Variants in SSBP2 observed in about 807,000 individuals in gnomAD.
The protein encoded by SSBP2 is single-stranded DNA-binding protein 2.
Under a neutral mutation model 61.8 loss-of-function variants are expected in SSBP2, and 17 were observed. The ratio of observed to expected loss-of-function variants is 0.28; its 90% CI spans 0.19 to 0.41. The LOEUF is 0.41. Ranked by LOEUF, SSBP2 falls within the 10% of genes least tolerant of loss-of-function variation. SSBP2 has a pLI of 1.00. For missense variants in SSBP2, 310 were observed against 458.7 expected, an observed-to-expected ratio of 0.68 and a Z score of 2.96; for synonymous variants, 139 against 141.3, an observed-to-expected ratio of 0.98 and a Z score of 0.12.
chr5:81,548,259 C>T (rs1771896216), intron 4 of SSBP2, among the ~76,000 whole-genome samples: 1 of 152,052 alleles, frequency 6.6e-6, no homozygotes, highest in Non-Finnish European at 1.5e-5. Context: ...CTAATGTAAA[C>T]TGTGGACTTT....
intron 4 of SSBP2, among the ~76,000 whole-genome samples, chr5:81,606,468 C>A (rs1030960929): frequency 4.6e-5 from 7 of 152,100 alleles, no homozygotes; most frequent in African/African-American, 1.7e-4. Context: ...TTGGTCTGAA[C>A]TCAAAGATGT....
At chr5:81,439,667 GTT>G (rs61650905) in intron 14 of SSBP2, among the ~76,000 whole-genome samples, 1,308 of 100,124 alleles carry the variant, frequency 0.013, 14 homozygotes, top group African/African-American at 0.06. Context: ...TGCCCAGCTA[GTT>G]TTTTTTTTTT....
chr5:81,744,116 A>G (rs1292148433), intron 1 of SSBP2, among the ~76,000 whole-genome samples: 2 of 152,234 alleles, frequency 1.3e-5, no homozygotes, highest in Non-Finnish European at 2.9e-5. Flanking sequence ...GATAATGCAG[A>G]CAAGTGCCAA....
At chr5:81,536,293 T>C (rs1308994045) in intron 4 of SSBP2, among the ~76,000 whole-genome samples, 1 of 152,154 alleles carries the variant, frequency 6.6e-6, no homozygotes, top group African/African-American at 2.4e-5. Flanking sequence ...TACAACCACT[T>C]TGGAAGAAAA....
At chr5:81,742,825 A>G (rs957612342) in intron 1 of SSBP2, among the ~76,000 whole-genome samples, 3 of 152,188 alleles carry the variant, frequency 2.0e-5, no homozygotes, top group Admixed American at 1.3e-4. Context: ...AGTTGCAGAG[A>G]GCCGAGATTG....
chr5:81,534,152 G>A (rs537076387), intron 4 of SSBP2, among the ~76,000 whole-genome samples: 2 of 152,194 alleles, frequency 1.3e-5, no homozygotes, highest in South Asian at 2.1e-4. Context: ...AGAAGCACTT[G>A]CAAATTTCAC....
At chr5:81,592,385 G>T (rs930562255) in intron 4 of SSBP2, among the ~76,000 whole-genome samples, 1 of 152,232 alleles carries the variant, frequency 6.6e-6, no homozygotes, top group Non-Finnish European at 1.5e-5. Flanking sequence ...AAGGAGGCCT[G>T]CCTGCCTCTG....
chr5:81,471,753 T>C (rs1765258151), intron 8 of SSBP2, among the ~76,000 whole-genome samples: 1 of 152,004 alleles, frequency 6.6e-6, no homozygotes, highest in East Asian at 1.9e-4. Context: ...CTGGTTTCTT[T>C]TGGCTTTGAG....
At chr5:81,566,902 T>C (rs1158221071) in intron 4 of SSBP2, among the ~76,000 whole-genome samples, 1 of 152,176 alleles carries the variant, frequency 6.6e-6, no homozygotes, top group African/African-American at 2.4e-5. Flanking sequence ...CTAGAGATTT[T>C]TGGAACTTTG....
chr5:81,455,131 AG>A (rs1764043300), intron 10 of SSBP2, among the ~76,000 whole-genome samples: 2 of 151,960 alleles, frequency 1.3e-5, no homozygotes, highest in Admixed American at 1.3e-4. Flanking sequence ...GAAGAATCAA[AG>A]GTGTCCTACA....
chr5:81,563,686 G>C (rs1402706767), intron 4 of SSBP2, among the ~76,000 whole-genome samples: 1 of 151,948 alleles, frequency 6.6e-6, no homozygotes. Context: ...ATAGTGCTGA[G>C]GAAACAGAAA....
chr5:81,607,561 A>G (rs1224623055), intron 4 of SSBP2, among the ~76,000 whole-genome samples: 1 of 152,190 alleles, frequency 6.6e-6, no homozygotes, highest in East Asian at 1.9e-4. Flanking sequence ...ACATAGCTAC[A>G]TTGAAGAAAG....
chr5:81,725,238 TAAG>T (rs1207064094), intron 1 of SSBP2, among the ~76,000 whole-genome samples: 1 of 151,982 alleles, frequency 6.6e-6, no homozygotes, highest in Non-Finnish European at 1.5e-5. Context: ...TGGGAGGTCT[TAAG>T]GAGAACAGAA....
intron 4 of SSBP2, among the ~76,000 whole-genome samples, chr5:81,546,396 G>A (rs528123128): frequency 6.6e-6 from 1 of 151,978 alleles, no homozygotes; most frequent in African/African-American, 2.4e-5. Flanking sequence ...ACTGATATAG[G>A]AGTCAATTTT....
chr5:81,564,206 C>T (rs1347726436), intron 4 of SSBP2, among the ~76,000 whole-genome samples: 1 of 152,140 alleles, frequency 6.6e-6, no homozygotes, highest in Non-Finnish European at 1.5e-5. Context: ...TATCACCTCA[C>T]ACTTGTTAGG....
chr5:81,538,374 T>C (rs1770982785), intron 4 of SSBP2, among the ~76,000 whole-genome samples: 1 of 152,116 alleles, frequency 6.6e-6, no homozygotes, highest in Non-Finnish European at 1.5e-5. Flanking sequence ...AACTGGTTCA[T>C]GAAGTTTAAG....
At chr5:81,528,080 C>T (rs765434131) in intron 4 of SSBP2, among the ~76,000 whole-genome samples, 6 of 151,740 alleles carry the variant, frequency 4.0e-5, no homozygotes, top group South Asian at 2.1e-4. Context: ...TGGTACCTAC[C>T]GTATTATATT....
chr5:81,415,810 G>A lies in SSBP2; in HGVS notation c.*4694C>T, dbSNP rs1425322682. 1 of 151,514 alleles carries A rather than the reference G, an allele frequency of 6.6e-6. No individual in the cohort carries two copies. The highest frequency in any genetic ancestry group is 1.5e-5 in the Non-Finnish European group (1 of 68,226). The allele number at this position is 151,514 out of a possible 1,614,324, so 9.4% of individuals were successfully genotyped here. A position where few individuals can be genotyped will look rare whatever the true frequency, so the allele number is the denominator to read the frequency against. On this transcript the variant is annotated 3_prime_UTR_variant, in exon 17 of 17. Transcript: ENST00000320672. Reference sequence around the variant, plus strand: ...ACCTGTAGTCCCAGCCACTCGGGAGGCTGAGGCAGGAGAATTGCATGAACC... The same window carrying A: ...ACCTGTAGTCCCAGCCACTCGGGAGACTGAGGCAGGAGAATTGCATGAACC...
chr5:81,490,901 A>C (rs1377893166), intron 5 of SSBP2, among the ~76,000 whole-genome samples: 1 of 152,228 alleles, frequency 6.6e-6, no homozygotes, highest in Non-Finnish European at 1.5e-5. Flanking sequence ...AAACTTAAGT[A>C]GATTTTCCAA....
Sources: allele counts gnomAD v4.1 joint callset (sites outside exome capture counted in the v4.1 genomes callset), GRCh38; gene constraint gnomAD v4.1.1; transcripts MANE v1.5; gene names NCBI Gene and HGNC (gene_info 2026-07-23, HGNC 2026-07-21).